Variants in NAALADL2 observed in about 807,000 individuals in gnomAD.
The protein encoded by NAALADL2 is N-acetylated alpha-linked acidic dipeptidase like 2.
NAALADL2 carries 76 observed loss-of-function variants against 87.2 expected under a neutral mutation model. That is an observed-to-expected ratio of 0.87 (90% confidence interval 0.72 to 1.05). NAALADL2 has a LOEUF of 1.05. Ranked by LOEUF, NAALADL2 falls within the 50% of genes least tolerant of loss-of-function variation. NAALADL2 has a pLI of 0.00. For synonymous variants in NAALADL2, 354 were observed against 331.0 expected (o/e 1.07, Z -0.75); for missense variants, 1,089 against 945.8 (o/e 1.15, Z -1.99).
chr3:175,493,448 T>C (rs1449383180), intron 9 of NAALADL2, among the ~76,000 whole-genome samples: 1 of 152,108 alleles, frequency 6.6e-6, no homozygotes, highest in African/African-American at 2.4e-5. Context: ...CATTCATCTC[T>C]TACACATGTT....
intron 1 of NAALADL2, among the ~76,000 whole-genome samples, chr3:174,961,249 G>T (rs1028535105): frequency 3.3e-5 from 5 of 150,898 alleles, no homozygotes; most frequent in South Asian, 2.1e-4. Flanking sequence ...CTTCCAAAGC[G>T]CACTGGGATT....
Position 175,808,595 on chromosome 3 carries a change from T to G in NAALADL2, c.*5392T>G, listed in dbSNP as rs1265085430. ...TTTGATGGCTTAAGCCAATAAGCAC[T>G]GAGGTAGCTTTTCTCAGAAGGAAAC... On this transcript the variant is annotated 3_prime_UTR_variant, in exon 14 of 14. Coordinates refer to ENST00000454872, the MANE Select transcript of NAALADL2 (RefSeq NM_207015.3). The G allele has an allele frequency of 6.6e-6, 1 of 151,940 alleles. No individual in the cohort carries two copies. The highest frequency in any genetic ancestry group is 2.1e-4 in the South Asian group (1 of 4,832). The allele number at this position is 151,940 out of a possible 1,614,324, so 9.4% of individuals were successfully genotyped here.
intron 5 of NAALADL2, among the ~76,000 whole-genome samples, chr3:175,432,042 C>T (rs1338654436): frequency 6.6e-6 from 1 of 151,876 alleles, no homozygotes; most frequent in Non-Finnish European, 1.5e-5. Flanking sequence ...AAAAAAATAG[C>T]TTTTAACAGT....
chr3:175,305,838 G>A (rs1464496678), intron 4 of NAALADL2, among the ~76,000 whole-genome samples: 1 of 152,012 alleles, frequency 6.6e-6, no homozygotes, highest in Non-Finnish European at 1.5e-5. Context: ...TTTCTTTAAT[G>A]TTTATTCATT....
intron 1 of NAALADL2, among the ~76,000 whole-genome samples, chr3:175,013,099 T>TATATGTA (rs1553916712): frequency 4.7e-5 from 1 of 21,504 alleles, no homozygotes; most frequent in Non-Finnish European, 9.0e-5. Context: ...TATATATAAA[T>TATATGTA]ATACATATTT....
chr3:174,996,235 C>T (rs534698216), intron 1 of NAALADL2, among the ~76,000 whole-genome samples: 191 of 152,190 alleles, frequency 1.3e-3, no homozygotes, highest in African/African-American at 4.4e-3. Flanking sequence ...CGGTGGCTCA[C>T]GCCTGTAATC....
rs182827446 is a variant in NAALADL2 at position 174,988,362 on chromosome 3, T to C, written c.44-108428T>C. Reference sequence around the variant, plus strand: ...GAAAATAACTTATAGTCAGGACTTATATTACTTAACAAATAGTGTTTCATA... The same window carrying C: ...GAAAATAACTTATAGTCAGGACTTACATTACTTAACAAATAGTGTTTCATA... On this transcript the variant is annotated intron_variant, in intron 1 of 13. Coordinates refer to ENST00000454872, the MANE Select transcript of NAALADL2 (RefSeq NM_207015.3). Among the ~76,000 whole-genome samples the C allele has an allele frequency of 5.1e-3, 777 of 152,356 alleles. 3 individuals carry two copies. Among genetic ancestry groups the C allele is most frequent in the African/African-American group, 0.014 (594 of 41,582 alleles).
intron 9 of NAALADL2, among the ~76,000 whole-genome samples, chr3:175,575,391 TCTC>T (rs1345550030): frequency 6.6e-6 from 1 of 152,052 alleles, no homozygotes. Flanking sequence ...TTCAAACAAG[TCTC>T]CTGCTTCATC....
At chr3:175,600,129 T>A (rs926281505) in intron 10 of NAALADL2, among the ~76,000 whole-genome samples, 11 of 152,004 alleles carry the variant, frequency 7.2e-5, no homozygotes, top group Admixed American at 1.3e-4. Context: ...AAATATTCAA[T>A]AGATATATTT....
At chr3:174,866,223 C>A (rs115473464) in intron 1 of NAALADL2, among the ~76,000 whole-genome samples, 3,447 of 151,812 alleles carry the variant, frequency 0.023, 106 homozygotes, top group African/African-American at 0.067. Flanking sequence ...AAGAGAGCAT[C>A]TTTATTAGAA....
In NAALADL2 at chr3:175,137,148, C is replaced by T. The variant is rs896413399; in HGVS notation, c.545+39857C>T. On this transcript the variant is annotated intron_variant, in intron 2 of 13. Coordinates refer to ENST00000454872, the MANE Select transcript of NAALADL2 (RefSeq NM_207015.3). Reference sequence around the variant, plus strand: ...TTTTATACTAAAGAAAAATATTTCTCATTACACAATAATAATCTCCCACTA... The same window carrying T: ...TTTTATACTAAAGAAAAATATTTCTTATTACACAATAATAATCTCCCACTA... 2.4e-4 allele frequency among the ~76,000 whole-genome samples: 36 copies of T among 152,018 alleles called. 1 individual carries two copies. The highest frequency in any genetic ancestry group is 5.2e-4 in the Admixed American group (8 of 15,260).
rs1022289151 is a variant in NAALADL2, at chr3:175,353,936, T to C, written c.1090+29611T>C. ...TTGAAATTACCCAACAGCTGGAAGA[T>C]TGACATCATATATGTAACACATTTG... is the stretch of plus-strand genomic sequence containing the variant. On this transcript the variant is annotated intron_variant, in intron 5 of 13. Transcript: ENST00000454872. Among the ~76,000 whole-genome samples the C allele has an allele frequency of 2.0e-5, 3 of 152,184 alleles. No homozygotes were observed. The South Asian group carries it at 6.2e-4, about 32-fold the overall frequency.
chr3:174,737,189 C>T (rs1733307074), intron 2 of NAALADL2, among the ~76,000 whole-genome samples: 1 of 152,220 alleles, frequency 6.6e-6, no homozygotes, highest in South Asian at 2.1e-4. Flanking sequence ...GCTGCTGCTG[C>T]CAACACCTCT....
intron 2 of NAALADL2, among the ~76,000 whole-genome samples, chr3:174,627,946 G>A (rs1721735119): frequency 6.6e-6 from 1 of 152,108 alleles, no homozygotes; most frequent in South Asian, 2.1e-4. Flanking sequence ...AAGCTGGGAG[G>A]GTGAGACGGG....
At chr3:175,755,663 A>T (rs1025089530) in intron 13 of NAALADL2, among the ~76,000 whole-genome samples, 1 of 151,520 alleles carries the variant, frequency 6.6e-6, no homozygotes, top group Middle Eastern at 3.4e-3. Flanking sequence ...TAATTTCAAT[A>T]TGAGTCAAAT....
chr3:175,293,423 T>C (rs1364812853), intron 4 of NAALADL2, among the ~76,000 whole-genome samples: 2 of 152,312 alleles, frequency 1.3e-5, no homozygotes, highest in African/African-American at 4.8e-5. Flanking sequence ...ACTATCGATA[T>C]GGAAAAAAAA....
intron 1 of NAALADL2, among the ~76,000 whole-genome samples, chr3:174,966,240 G>T (rs999786452): frequency 2.0e-5 from 3 of 152,078 alleles, no homozygotes; most frequent in Non-Finnish European, 4.4e-5. Flanking sequence ...GATCTTGAAG[G>T]CCAAGCACTT....
chr3:174,761,796 TCTC>T lies in NAALADL2; in HGVS notation c.-9+24053_-9+24055del, dbSNP rs550868905. ...CACGACAGTCCCTGGAGTGTGATGT[TCTC>T]CTTCCTGTGTCCACGTGTTCTCATT... On this transcript the variant is annotated intron_variant, in intron 3 of 3. Transcript: ENST00000434257. Among the ~76,000 whole-genome samples, 948 of 134,180 alleles carry T rather than the reference TCTC, an allele frequency of 7.1e-3. 4 individuals carry two copies. The highest frequency in any genetic ancestry group is 0.011 in the Non-Finnish European group (730 of 64,022). The allele number at this position is 134,180 out of a possible 152,430, so 88.0% of individuals were successfully genotyped here.
intron 5 of NAALADL2, among the ~76,000 whole-genome samples, chr3:175,335,573 C>A (rs1265778455): frequency 6.6e-6 from 1 of 152,134 alleles, no homozygotes; most frequent in East Asian, 1.9e-4. Context: ...TAAATATTTT[C>A]TATTTTTAGA....
Sources: allele counts gnomAD v4.1 joint callset (sites outside exome capture counted in the v4.1 genomes callset), GRCh38; gene constraint gnomAD v4.1.1; transcripts MANE v1.5; gene names NCBI Gene and HGNC (gene_info 2026-07-23, HGNC 2026-07-21).